ABCA13: variants seen among roughly 807,000 people sequenced by gnomAD.
ABCA13 encodes the protein ATP binding cassette subfamily A member 13.
Under a neutral mutation model 478.7 loss-of-function variants are expected in ABCA13, and 476 were observed. The ratio of observed to expected loss-of-function variants is 0.99; its 90% confidence interval spans 0.92 to 1.07. The LOEUF is 1.07. Ranked by LOEUF, ABCA13 falls within the 50% of genes least tolerant of loss-of-function variation. The probability of loss-of-function intolerance (pLI) is 0.00; values close to 1 mark genes in which losing one functional copy is unlikely to be tolerated. For missense variants in ABCA13, 6,060 were observed against 5,910.6 expected (o/e 1.03, Z -0.83); for synonymous variants, 2,252 against 2,158.9 (o/e 1.04, Z -1.20).
chr7:48,286,839 A>G (rs1797830525), intron 19 of ABCA13, among the ~76,000 whole-genome samples: 1 of 152,156 alleles, frequency 6.6e-6, no homozygotes, highest in Non-Finnish European at 1.5e-5. Context: ...GAAACAATTT[A>G]TTATTCATAA....
intron 5 of ABCA13, among the ~76,000 whole-genome samples, chr7:48,221,963 C>T (rs1447731595): frequency 1.3e-5 from 2 of 152,222 alleles, no homozygotes; most frequent in Non-Finnish European, 2.9e-5. Flanking sequence ...CAGACACTGA[C>T]TGACTGTACA....
At chr7:48,426,045 A>G (rs1821383834) in intron 41 of ABCA13, among the ~76,000 whole-genome samples, 1 of 152,140 alleles carries the variant, frequency 6.6e-6, no homozygotes, top group Non-Finnish European at 1.5e-5. Context: ...CCGGCCTCTT[A>G]TTTATTACCA....
intron 27 of ABCA13, among the ~76,000 whole-genome samples, chr7:48,319,681 C>T (rs1041075715): frequency 6.6e-6 from 1 of 152,184 alleles, no homozygotes; most frequent in African/African-American, 2.4e-5. Context: ...TGTAATAGCA[C>T]AGGTGACACC....
intron 55 of ABCA13, among the ~76,000 whole-genome samples, chr7:48,540,951 G>A (rs767119787): frequency 6.6e-6 from 1 of 152,074 alleles, no homozygotes; most frequent in Non-Finnish European, 1.5e-5. Context: ...CAAGGCTGCA[G>A]CATGATAGAC....
At chr7:48,344,782 C>T (rs1807800747) in intron 29 of ABCA13, among the ~76,000 whole-genome samples, 1 of 152,130 alleles carries the variant, frequency 6.6e-6, no homozygotes. Flanking sequence ...ATAGCAGTGC[C>T]CTCATCATTT....
At chr7:48,388,014 A>C (rs962644344) in intron 36 of ABCA13, 55 bp downstream of exon 36, 20 of 1,546,708 alleles carry the variant, frequency 1.3e-5, no homozygotes, top group Non-Finnish European at 1.7e-5. Context: ...ATCCATTTTG[A>C]TTTTTTTTTG....
intron 32 of ABCA13, among the ~76,000 whole-genome samples, chr7:48,369,817 G>A (rs547485778): frequency 2.2e-4 from 34 of 151,986 alleles, no homozygotes; most frequent in African/African-American, 7.5e-4. Flanking sequence ...GTTTGAAGTC[G>A]GATAATGTGA....
At chr7:48,201,713 G>T (rs774076238) in intron 3 of ABCA13, among the ~76,000 whole-genome samples, 1 of 152,168 alleles carries the variant, frequency 6.6e-6, no homozygotes, top group Non-Finnish European at 1.5e-5. Flanking sequence ...GAACAAGACT[G>T]TCTCAAAAAA....
intron 48 of ABCA13, among the ~76,000 whole-genome samples, chr7:48,503,134 T>A (rs1229418062): frequency 6.6e-6 from 1 of 152,200 alleles, no homozygotes; most frequent in East Asian, 1.9e-4. Context: ...TTGCCCAGGC[T>A]GGAATGCAGT....
At chr7:48,363,247 C>G (rs1390553327) in intron 31 of ABCA13, among the ~76,000 whole-genome samples, 1 of 152,016 alleles carries the variant, frequency 6.6e-6, no homozygotes, top group Non-Finnish European at 1.5e-5. Flanking sequence ...AATAGAAAAC[C>G]CTTGGTTCAT....
chr7:48,593,122 G>C (rs1789921201), intron 57 of ABCA13, among the ~76,000 whole-genome samples: 1 of 151,334 alleles, frequency 6.6e-6, no homozygotes, highest in Non-Finnish European at 1.5e-5. Flanking sequence ...ATTGTTTTCT[G>C]GCTATTTTTA....
At position 48,343,782 on chromosome 7, in the gene ABCA13, T is replaced by A. The variant is rs552968345; in HGVS notation, c.10204+5327T>A. ...TAGATTTTTTAAAGGCCATTCATAT[T>A]TTCTGGTTGTTCTTGGAAGGAAACT... On this transcript the variant is annotated intron_variant, in intron 29 of 61. Coordinates refer to ENST00000435803, the MANE Select transcript of ABCA13 (RefSeq NM_152701.5). Among the ~76,000 whole-genome samples the A allele has an allele frequency of 3.7e-4, 57 of 152,144 alleles. 1 individual carries two copies. In the South Asian group the frequency reaches 0.011, roughly 30 times the overall value.
intron 24 of ABCA13, among the ~76,000 whole-genome samples, chr7:48,311,330 A>T (rs1464256924): frequency 6.6e-6 from 1 of 152,168 alleles, no homozygotes; most frequent in Non-Finnish European, 1.5e-5. Flanking sequence ...TAAACCCATA[A>T]GGAGGAGAAT....
At chr7:48,530,258 G>A (rs1004372914) in intron 55 of ABCA13, among the ~76,000 whole-genome samples, 3 of 151,892 alleles carry the variant, frequency 2.0e-5, no homozygotes, top group African/African-American at 7.3e-5. Context: ...GGCTGCCAAT[G>A]CCATTATTTA....
intron 21 of ABCA13, 39 bp from the exon 22 acceptor site, chr7:48,297,193 T>C (rs1171861829): frequency 1.3e-6 from 2 of 1,507,994 alleles, no homozygotes; most frequent in Non-Finnish European, 1.8e-6. Context: ...TCTGATGTTT[T>C]AGCTTGCCTA....
At chr7:48,416,538 A>G (rs1820015039) in intron 41 of ABCA13, among the ~76,000 whole-genome samples, 2 of 152,102 alleles carry the variant, frequency 1.3e-5, no homozygotes, top group African/African-American at 4.8e-5. Flanking sequence ...ACCACAACAT[A>G]GGGTTGAAGG....
intron 24 of ABCA13, among the ~76,000 whole-genome samples, chr7:48,311,381 A>C (rs533599548): frequency 6.6e-6 from 1 of 152,256 alleles, no homozygotes; most frequent in African/African-American, 2.4e-5. Context: ...ACCCACCTCT[A>C]TCTTGGTGGA....
At chr7:48,398,107 T>C (rs1424532216) in intron 38 of ABCA13, among the ~76,000 whole-genome samples, 1 of 152,176 alleles carries the variant, frequency 6.6e-6, no homozygotes, top group Non-Finnish European at 1.5e-5. Context: ...AGTGGGTACT[T>C]AACGAGAAAT....
chr7:48,338,945 G>A (rs1314953708), intron 29 of ABCA13, among the ~76,000 whole-genome samples: 1 of 152,186 alleles, frequency 6.6e-6, no homozygotes, highest in Non-Finnish European at 1.5e-5. Flanking sequence ...CCAGTTCCAT[G>A]AAATAATCCA....
Sources: gnomAD v4.1 joint callset for allele counts (sites outside exome capture counted in the v4.1 genomes callset) on GRCh38, gnomAD v4.1.1 for gene constraint, MANE v1.5 for transcripts, NCBI Gene and HGNC (gene_info 2026-07-23, HGNC 2026-07-21) for gene names.